The following KCNK2 variants were observed in gnomAD, a reference collection of about 807,000 sequenced individuals.
KCNK2 encodes potassium two pore domain channel subfamily K member 2.
A neutral mutation model predicts 40.5 loss-of-function variants in KCNK2; 21 were observed. The observed-to-expected ratio is 0.52, with a 90% CI of 0.37 to 0.75. The LOEUF is 0.75. Ranked by LOEUF, KCNK2 falls within the 30% of genes least tolerant of loss-of-function variation. KCNK2 has a pLI of 0.00. For missense variants in KCNK2, 399 were observed against 531.6 expected (o/e 0.75, Z 2.45); for synonymous variants, 191 against 202.2 (o/e 0.94, Z 0.47).
At chr1:215,036,067 A>G (rs1298993260) in intron 1 of KCNK2, among the ~76,000 whole-genome samples, 1 of 151,172 alleles carries the variant, frequency 6.6e-6, no homozygotes, top group African/African-American at 2.4e-5. Flanking sequence ...TTTTATGGTT[A>G]GTGCTCTCTG....
At chr1:215,025,828 T>C (rs1274557650) in intron 1 of KCNK2, among the ~76,000 whole-genome samples, 1 of 152,112 alleles carries the variant, frequency 6.6e-6, no homozygotes, top group East Asian at 1.9e-4. Flanking sequence ...GATTCACATG[T>C]CCTTATTTAC....
chr1:215,126,559 A>ACTCATCATG, intron 3 of KCNK2, among the ~76,000 whole-genome samples: 1 of 152,148 alleles, frequency 6.6e-6, no homozygotes, highest in Admixed American at 6.6e-5. Flanking sequence ...CTAAGTTATA[A>ACTCATCATG]CTCATCATGA....
At chr1:215,081,431 A>C (rs768980390), upstream of KCNK2, among the ~76,000 whole-genome samples, 90 of 152,142 alleles carry the variant, frequency 5.9e-4, no homozygotes, top group Non-Finnish European at 1.2e-3. Flanking sequence ...TTTTGAGCAC[A>C]TAAGTTGAGA....
Position 215,092,725 on chromosome 1 carries a change from G to A in KCNK2, c.357+6047G>A, listed in dbSNP as rs182875437. Among the ~76,000 whole-genome samples the A allele has an allele frequency of 7.9e-5, 12 of 152,218 alleles. No individual in the cohort carries two copies. In the South Asian group the frequency reaches 1.5e-3, roughly 18 times the overall value. ...GGTCACATAGGGATGTGTTTCCTGC[G>A]TAACCAGTTCCAGCGACATAGCTCC... On this transcript the variant is annotated intron_variant, in intron 2 of 6. Coordinates refer to ENST00000444842, the MANE Select transcript of KCNK2 (RefSeq NM_001017425.3).
intron 6 of KCNK2, among the ~76,000 whole-genome samples, chr1:215,210,704 A>G (rs1006185904): frequency 6.6e-6 from 1 of 152,162 alleles, no homozygotes; most frequent in Non-Finnish European, 1.5e-5. Flanking sequence ...AAGGGAGTAT[A>G]TAAGCATGTA....
At chr1:215,147,355 A>C (rs971422524) in intron 3 of KCNK2, among the ~76,000 whole-genome samples, 2 of 152,218 alleles carry the variant, frequency 1.3e-5, no homozygotes, top group African/African-American at 4.8e-5. Flanking sequence ...ATGGATCCTT[A>C]GTTTAAAACT....
At chr1:215,010,985 A>C (rs958392616) in intron 1 of KCNK2, among the ~76,000 whole-genome samples, 4 of 130,694 alleles carry the variant, frequency 3.1e-5, no homozygotes, top group African/African-American at 9.4e-5. Flanking sequence ...AGAATAATAA[A>C]ATATACTTAT....
chr1:215,163,176 G>A (rs1219926591), intron 3 of KCNK2, among the ~76,000 whole-genome samples: 1 of 152,012 alleles, frequency 6.6e-6, no homozygotes, highest in Non-Finnish European at 1.5e-5. Flanking sequence ...AGATATTTTA[G>A]TCTCTTTGTA....
chr1:215,093,864 A>T (rs1367071978), intron 2 of KCNK2, among the ~76,000 whole-genome samples: 86 of 87,810 alleles, frequency 9.8e-4, no homozygotes, highest in Non-Finnish European at 1.6e-3. Flanking sequence ...TTATATATAA[A>T]AATATATTAT....
At chr1:215,129,218 T>C (rs1200591946) in intron 3 of KCNK2, among the ~76,000 whole-genome samples, 1 of 152,186 alleles carries the variant, frequency 6.6e-6, no homozygotes, top group African/African-American at 2.4e-5. Flanking sequence ...ACAGTGCTAG[T>C]TGATTTTTTT....
chr1:215,165,044 C>G (rs551208887), intron 3 of KCNK2, among the ~76,000 whole-genome samples: 1 of 152,290 alleles, frequency 6.6e-6, no homozygotes, highest in African/African-American at 2.4e-5. Context: ...AACTTTGTAT[C>G]ATAAGGAATC....
chr1:215,044,735 A>C (rs958398843), intron 1 of KCNK2, among the ~76,000 whole-genome samples: 16 of 152,100 alleles, frequency 1.1e-4, no homozygotes, highest in Admixed American at 9.2e-4. Context: ...GTTGGACCAT[A>C]ATTAGGGATC....
chr1:215,124,488 A>G, intron 2 of KCNK2, 145 bp from the exon 3 acceptor site: 2 of 638,736 alleles, frequency 3.1e-6, no homozygotes, highest in Non-Finnish European at 5.7e-6. Context: ...TAAAGTTTTA[A>G]GCTATATTAT....
At chr1:215,082,649 T>G (rs1659212358), upstream of KCNK2, among the ~76,000 whole-genome samples, 2 of 150,122 alleles carry the variant, frequency 1.3e-5, no homozygotes, top group Admixed American at 1.3e-4. Flanking sequence ...CAGGCAAGGG[T>G]AGGGCTAGGA....
chr1:215,031,092 C>T (rs1423674936), intron 1 of KCNK2, among the ~76,000 whole-genome samples: 2 of 152,018 alleles, frequency 1.3e-5, no homozygotes, highest in African/African-American at 4.8e-5. Flanking sequence ...TTTTCTGTTC[C>T]ATTGATTGAT....
intron 1 of KCNK2, among the ~76,000 whole-genome samples, chr1:215,036,307 C>T (rs896410685): frequency 6.6e-6 from 1 of 151,852 alleles, no homozygotes; most frequent in Admixed American, 6.6e-5. Context: ...TCCCTTCCTC[C>T]ACTGAAATTC....
chr1:215,203,931 G>A (rs1478996542), intron 6 of KCNK2, among the ~76,000 whole-genome samples: 3 of 151,302 alleles, frequency 2.0e-5, no homozygotes, highest in Admixed American at 1.3e-4. Flanking sequence ...CCAGCTACTC[G>A]GGAGGCCGAG....
At chr1:215,161,733 A>G (rs1386728435) in intron 3 of KCNK2, among the ~76,000 whole-genome samples, 3 of 152,084 alleles carry the variant, frequency 2.0e-5, no homozygotes, top group Non-Finnish European at 4.4e-5. Context: ...AGCTTCATCC[A>G]TATCCCTGCA....
intron 5 of KCNK2, among the ~76,000 whole-genome samples, chr1:215,177,727 T>C (rs547213376): frequency 1.8e-5 from 1 of 55,060 alleles, no homozygotes; most frequent in South Asian, 3.7e-4. Context: ...TATGTGTATA[T>C]ATATATATAT....
Sources: allele counts gnomAD v4.1 joint callset (sites outside exome capture counted in the v4.1 genomes callset), GRCh38; gene constraint gnomAD v4.1.1; transcripts MANE v1.5; gene names NCBI Gene and HGNC (gene_info 2026-07-23, HGNC 2026-07-21).